The following SORBS2 variants were observed in gnomAD, a reference collection of about 807,000 sequenced individuals.
The protein encoded by SORBS2 is sorbin and SH3 domain containing 2.
Under a neutral mutation model 97.7 loss-of-function variants are expected in SORBS2, and 46 were observed. That is an observed-to-expected ratio of 0.47 (90% CI 0.37 to 0.60). The LOEUF is 0.60. Among genes scored for constraint, SORBS2 ranks in the 20% least tolerant of loss-of-function variants. SORBS2 has a pLI of 0.00. For synonymous variants in SORBS2, 476 were observed against 473.4 expected, an observed-to-expected ratio of 1.01 and a Z score of -0.07; for missense variants, 1,316 against 1,282.3, an observed-to-expected ratio of 1.03 and a Z score of -0.40.
At chr4:185,797,453 T>C (rs2099110252) in intron 1 of SORBS2, among the ~76,000 whole-genome samples, 1 of 152,188 alleles carries the variant, frequency 6.6e-6, no homozygotes. Context: ...TGGTTCTCTC[T>C]CTTTCTCTCT....
At chr4:185,952,056 C>T (rs1370894717) in intron 1 of SORBS2, among the ~76,000 whole-genome samples, 1 of 132,044 alleles carries the variant, frequency 7.6e-6, no homozygotes, top group Admixed American at 7.4e-5. Flanking sequence ...GATAGAGTCT[C>T]ACTCTGTCGC....
chr4:185,869,356 A>AT (rs1055606715), intron 1 of SORBS2, among the ~76,000 whole-genome samples: 1 of 152,112 alleles, frequency 6.6e-6, no homozygotes, highest in Non-Finnish European at 1.5e-5. Flanking sequence ...TACAAGGTTT[A>AT]TTTTTTTCTA....
intron 1 of SORBS2, chr4:185,918,030 G>A (rs950996980): frequency 7.2e-5 from 11 of 152,086 alleles, no homozygotes; most frequent in African/African-American, 2.4e-4. Flanking sequence ...GTGATGTTCC[G>A]GGAAAGCAGC....
intron 1 of SORBS2, among the ~76,000 whole-genome samples, chr4:185,815,880 T>C (rs2099192974): frequency 6.6e-6 from 1 of 152,222 alleles, no homozygotes; most frequent in Admixed American, 6.5e-5. Flanking sequence ...TGATTTGTTT[T>C]CAAGATACAA....
chr4:185,801,833 C>A (rs561323228), intron 1 of SORBS2, among the ~76,000 whole-genome samples: 1 of 152,148 alleles, frequency 6.6e-6, no homozygotes, highest in Non-Finnish European at 1.5e-5. Flanking sequence ...CAGGTAAAAC[C>A]CAATGAGCAC....
intron 4 of SORBS2, 73 bp downstream of exon 14, chr4:185,638,803 AG>A (rs989232786): frequency 2.4e-5 from 33 of 1,354,346 alleles, no homozygotes; most frequent in Admixed American, 3.8e-5. Flanking sequence ...GGGAGTCGCC[AG>A]GCTCTGAGCA....
exon 7 of SORBS2, chr4:185,622,998 T>G: frequency 6.2e-7 from 1 of 1,613,940 alleles, no homozygotes; most frequent in East Asian, 2.2e-5. Context: ...CGGGGCATTC[T>G]CCCGCAGTCA....
chr4:185,603,695 G>A (rs970352391), intron 12 of SORBS2, among the ~76,000 whole-genome samples: 7 of 152,142 alleles, frequency 4.6e-5, no homozygotes, highest in Non-Finnish European at 1.0e-4. Context: ...AACATAGAAG[G>A]AAAACATTTC....
At chr4:185,720,889 C>G (rs72702077) in intron 2 of SORBS2, among the ~76,000 whole-genome samples, 34 of 152,048 alleles carry the variant, frequency 2.2e-4, no homozygotes, top group Admixed American at 5.2e-4. Flanking sequence ...ACGGCTCCGA[C>G]ACAAAGTGAC....
chr4:185,910,529 A>C (rs2099254361), intron 1 of SORBS2, among the ~76,000 whole-genome samples: 1 of 152,092 alleles, frequency 6.6e-6, no homozygotes, highest in African/African-American at 2.4e-5. Flanking sequence ...TCTGGTATGA[A>C]ACTTTTATTA....
At chr4:185,863,830 T>C (rs1027269481) in intron 1 of SORBS2, among the ~76,000 whole-genome samples, 4 of 152,222 alleles carry the variant, frequency 2.6e-5, no homozygotes, top group Admixed American at 1.3e-4. Context: ...CTCTTCATTA[T>C]AAGCCTTTAA....
At chr4:185,615,047 C>T in exon 10 of SORBS2, 3 of 1,613,564 alleles carry the variant, frequency 1.9e-6, no homozygotes, top group Non-Finnish European at 2.5e-6. Context: ...GGACCTACCT[C>T]TACGTATGAG....
intron 1 of SORBS2, among the ~76,000 whole-genome samples, chr4:185,885,538 G>T (rs1018371168): frequency 2.6e-5 from 4 of 152,190 alleles, no homozygotes; most frequent in African/African-American, 9.7e-5. Flanking sequence ...CAGCTCAAAA[G>T]CGTAACATTT....
At chr4:185,720,838 A>G (rs1286553119) in intron 2 of SORBS2, among the ~76,000 whole-genome samples, 1 of 152,166 alleles carries the variant, frequency 6.6e-6, no homozygotes. Flanking sequence ...GTGTGGGATG[A>G]GCAACCTTGA....
chr4:185,599,193 T>C (rs930982265), intron 12 of SORBS2, among the ~76,000 whole-genome samples: 1 of 152,060 alleles, frequency 6.6e-6, no homozygotes, highest in Non-Finnish European at 1.5e-5. Context: ...CCTTGAGAAC[T>C]TCTTGAAATG....
chr4:185,610,970 G>GA (rs1324865693), intron 12 of SORBS2, among the ~76,000 whole-genome samples: 1 of 151,936 alleles, frequency 6.6e-6, no homozygotes, highest in African/African-American at 2.4e-5. Context: ...AGAAAAATAA[G>GA]AAAAAATTTC....
At chr4:185,636,293 A>C (rs1225607701) in intron 4 of SORBS2, among the ~76,000 whole-genome samples, 1 of 152,254 alleles carries the variant, frequency 6.6e-6, no homozygotes. Context: ...CATTCCTCCT[A>C]TGAGATAATA....
chr4:185,885,531 C>T (rs12643549), intron 1 of SORBS2, among the ~76,000 whole-genome samples: 42,479 of 152,132 alleles, frequency 0.28, 6,174 homozygotes, highest in East Asian at 0.54. Flanking sequence ...CCAATGACAG[C>T]TCAAAAGCGT....
chr4:185,615,854 AT>A lies in SORBS2; in HGVS notation c.2352-696del, dbSNP rs549348483. Among the ~76,000 whole-genome samples, 310 of 152,218 alleles carry A rather than the reference AT, an allele frequency of 2.0e-3. 2 individuals are homozygous for A. The highest frequency in any genetic ancestry group is 3.1e-3 in the South Asian group (15 of 4,814). On this transcript the variant is annotated intron_variant, in intron 9 of 14. Transcript: ENST00000418609. The stretch of plus-strand genomic sequence containing the variant: ...AATAAAAATATTTTTAAGACACTAT[AT>A]TTTTCAATTTTGGCTGTTTCTAAGA...
Sources: gnomAD v4.1 joint callset for allele counts (sites outside exome capture counted in the v4.1 genomes callset) on GRCh38, gnomAD v4.1.1 for gene constraint, MANE v1.5 for transcripts, NCBI Gene and HGNC (gene_info 2026-07-23, HGNC 2026-07-21) for gene names.